Variants in AGR3 observed in about 807,000 individuals in gnomAD.
AGR3 encodes the protein anterior gradient 3, protein disulphide isomerase family member, also known as anterior gradient protein 3.
In AGR3, 37 loss-of-function variants were observed where a neutral mutation model predicts 24.5. That is an observed-to-expected ratio of 1.51 (90% confidence interval 1.16 to 1.99). AGR3 has a LOEUF of 1.99. Among genes scored for constraint, AGR3 ranks in the 30% most tolerant of loss-of-function variants. The pLI is 0.00. For synonymous variants in AGR3, 75 were observed against 61.6 expected, an observed-to-expected ratio of 1.22 and a Z score of -1.02; for missense variants, 228 against 191.1, an observed-to-expected ratio of 1.19 and a Z score of -1.14.
At chr7:16,877,691 G>A (rs973673377) in intron 2 of AGR3, among the ~76,000 whole-genome samples, 6 of 151,954 alleles carry the variant, frequency 3.9e-5, no homozygotes, top group Middle Eastern at 3.4e-3. Flanking sequence ...GTGAAACCCC[G>A]TCTCTACTAA....
At chr7:16,878,957 A>G (rs1782050217) in intron 1 of AGR3, among the ~76,000 whole-genome samples, 1 of 152,212 alleles carries the variant, frequency 6.6e-6, no homozygotes, top group South Asian at 2.1e-4. Flanking sequence ...CACACCAACA[A>G]GACGAAACTC....
rs1346580058 is a variant in AGR3 at position 16,864,629 on chromosome 7, G to C, written c.174-1967C>G. 3 of 1,558,432 alleles carry C rather than the reference G, an allele frequency of 1.9e-6. No homozygotes were observed. In the East Asian group the frequency reaches 6.7e-5, roughly 35 times the overall value. ...GTTATTAGAGCAAGGTATGGCAGTA[G>C]CTGAGTTTGGAGGCATAAAGCTGGT... On this transcript the variant is annotated intron_variant, in intron 3 of 7. Transcript: ENST00000310398.
intron 2 of AGR3, among the ~76,000 whole-genome samples, 158 bp from the exon 3 acceptor site, chr7:16,874,001 T>A (rs1484593396): frequency 6.6e-6 from 1 of 152,180 alleles, no homozygotes; most frequent in Non-Finnish European, 1.5e-5. Context: ...TCACAAGATA[T>A]GGAGGTGATT....
chr7:16,866,560 A>G (rs1781762942), intron 3 of AGR3, among the ~76,000 whole-genome samples: 1 of 152,150 alleles, frequency 6.6e-6, no homozygotes, highest in Admixed American at 6.5e-5. Flanking sequence ...AAGCTGTACC[A>G]ATTCATATTC....
Position 16,881,926 on chromosome 7 carries a change from G to GA in AGR3, c.-28+17dup, listed in dbSNP as rs1782126836. ...GCTTGACCACTGATTAAGTAATCTG[G>GA]AAAATTTGCTTGCTTACCTGACTTG... On this transcript the variant is annotated intron_variant, in intron 1 of 7. Coordinates refer to ENST00000310398, the MANE Select transcript of AGR3 (RefSeq NM_176813.5). 2.1e-6 allele frequency: 1 copy of GA among 470,866 alleles called. No homozygotes were observed. Among genetic ancestry groups the GA allele is most frequent in the African/African-American group, 2.0e-5 (1 of 50,056 alleles). The allele number at this position is 470,866 out of a possible 1,614,324, so 29.2% of individuals were successfully genotyped here. A position where few individuals can be genotyped will look rare whatever the true frequency, so the allele number is the denominator to read the frequency against.
intron 1 of AGR3, among the ~76,000 whole-genome samples, chr7:16,880,805 C>G (rs948884135): frequency 7.2e-5 from 11 of 152,032 alleles, no homozygotes; most frequent in African/African-American, 2.7e-4. Context: ...ACAGTTGACT[C>G]TGGAACACAA....
intron 3 of AGR3, chr7:16,865,267 C>T (rs1194278257): frequency 1.0e-6 from 1 of 954,140 alleles, no homozygotes; most frequent in Non-Finnish European, 1.7e-6. Flanking sequence ...AAGTTGTTTT[C>T]TCCTTTTGAA....
Position 16,878,532 on chromosome 7 carries a change from C to T in AGR3, c.87G>A (p.Arg29=). 6.2e-7 allele frequency: 1 copy of T among 1,613,970 alleles called. No individual in the cohort carries two copies. Among genetic ancestry groups the T allele is most frequent in the African/African-American group, 1.3e-5 (1 of 75,030 alleles). ...NLAIAIKKEK[R]PPQTLSRGWG... is the part of the protein sequence containing the mutation. ...CACCTCTTGAGAGTGTCTGAGGAGGCCTCTTTTCCTTTTTTATTGCAATGG... is the reference window on the plus strand; with the variant it reads ...CACCTCTTGAGAGTGTCTGAGGAGGTCTCTTTTCCTTTTTTATTGCAATGG... The change falls in exon 2 of 8, where the codon AGG becomes AGA. Residue 29 remains arginine, a synonymous_variant. Transcript: ENST00000310398.
intron 1 of AGR3, among the ~76,000 whole-genome samples, chr7:16,879,781 A>G (rs1782066667): frequency 6.6e-6 from 1 of 152,240 alleles, no homozygotes. Flanking sequence ...ATAAGACACA[A>G]TGTTTTGGCA....
intron 2 of AGR3, among the ~76,000 whole-genome samples, chr7:16,877,133 G>C (rs911329272): frequency 1.3e-5 from 2 of 151,358 alleles, no homozygotes; most frequent in Non-Finnish European, 2.9e-5. Context: ...TGAGCACTTG[G>C]CTGGCACTCA....
At chr7:16,880,333 G>A (rs1265515762) in intron 1 of AGR3, among the ~76,000 whole-genome samples, 1 of 151,736 alleles carries the variant, frequency 6.6e-6, no homozygotes, top group African/African-American at 2.4e-5. Flanking sequence ...GCTAATTTTT[G>A]TATTTTTAGT....
At chr7:16,880,072 C>CCCTTCCTTCCTTCCCCTTCCTTCCTT (rs1562553493) in intron 1 of AGR3, among the ~76,000 whole-genome samples, 1 of 141,168 alleles carries the variant, frequency 7.1e-6, no homozygotes, top group African/African-American at 2.6e-5. Context: ...TCCTTCCTTC[C>CCCTTCCTTCCTTCCCCTTCCTTCCTT]CCTTCCTTCT....
chr7:16,861,332 T>C (rs906523132), intron 6 of AGR3, 52 bp downstream of exon 6: 16 of 1,365,250 alleles, frequency 1.2e-5, no homozygotes, highest in Non-Finnish European at 1.6e-5. Flanking sequence ...AAAGCAAGAA[T>C]GCTGATTTCT....
In AGR3 at chr7:16,859,482, C is replaced by G; in HGVS notation, c.*100G>C. 1 of 771,580 alleles carries G rather than the reference C, an allele frequency of 1.3e-6. No individual in the cohort carries two copies. The highest frequency in any genetic ancestry group is 2.1e-6 in the Non-Finnish European group (1 of 485,210). The allele number at this position is 771,580 out of a possible 1,614,324, so 47.8% of individuals were successfully genotyped here. A position where few individuals can be genotyped will look rare whatever the true frequency, so the allele number is the denominator to read the frequency against. ...TTAAAAAAACTAAATAGTAATATTA[C>G]AAAATCTATATACTTGCACATTTAG... On this transcript the variant is annotated 3_prime_UTR_variant, in exon 8 of 8. Coordinates refer to ENST00000310398, the MANE Select transcript of AGR3 (RefSeq NM_176813.5).
chr7:16,875,377 T>C lies in AGR3; in HGVS notation c.110-1534A>G, dbSNP rs531552418. Among the ~76,000 whole-genome samples the C allele has an allele frequency of 7.9e-5, 12 of 152,282 alleles. 1 individual carries two copies. In the South Asian group the frequency reaches 2.5e-3, roughly 32 times the overall value. On this transcript the variant is annotated intron_variant, in intron 2 of 7. Transcript: ENST00000310398. ...CATACAATATGTAGGCTTTTGTGAC[T>C]AGATTTTTTCACTCAGCATAACCTT...
intron 3 of AGR3, chr7:16,865,830 C>A: frequency 2.7e-6 from 2 of 745,102 alleles, no homozygotes; most frequent in Non-Finnish European, 5.0e-6. Flanking sequence ...TTAATCCACT[C>A]TTGTACTTGA....
At chr7:16,861,925 A>T (rs1275196670) in intron 5 of AGR3, 59 bp downstream of exon 5, 1 of 1,448,256 alleles carries the variant, frequency 6.9e-7, no homozygotes, top group Non-Finnish European at 9.5e-7. Flanking sequence ...AAAGAAAAAA[A>T]CGGATTCAAA....
intron 1 of AGR3, among the ~76,000 whole-genome samples, chr7:16,881,579 A>G (rs148097983): frequency 6.6e-6 from 1 of 152,244 alleles, no homozygotes; most frequent in African/African-American, 2.4e-5. Flanking sequence ...TTAGCATTTT[A>G]TGACATTAGT....
intron 2 of AGR3, among the ~76,000 whole-genome samples, chr7:16,876,398 T>A: frequency 6.6e-6 from 1 of 152,124 alleles, no homozygotes; most frequent in East Asian, 1.9e-4. Flanking sequence ...TCAAAGGAAA[T>A]TGGATTTTTT....
Sources: gnomAD v4.1 joint callset for allele counts (sites outside exome capture counted in the v4.1 genomes callset) on GRCh38, gnomAD v4.1.1 for gene constraint, MANE v1.5 for transcripts, NCBI Gene and HGNC (gene_info 2026-07-23, HGNC 2026-07-21) for gene names.